Variants in EXD3 observed in about 807,000 individuals in gnomAD.
EXD3 encodes the protein exonuclease 3'-5' domain containing 3.
In EXD3, 92 loss-of-function variants were observed where a neutral mutation model predicts 98.0. The observed-to-expected ratio is 0.94, with a 90% CI of 0.79 to 1.12. The LOEUF (loss-of-function observed/expected upper bound fraction) is 1.12. Ranked by LOEUF, EXD3 falls within the 50% of genes most tolerant of loss-of-function variation. The pLI is 0.00. For synonymous variants in EXD3, 569 were observed against 526.0 expected, an observed-to-expected ratio of 1.08 and a Z score of -1.12; for missense variants, 1,222 against 1,191.6, an observed-to-expected ratio of 1.03 and a Z score of -0.38.
intron 1 of EXD3, among the ~76,000 whole-genome samples, chr9:137,420,170 A>C (rs186870128): frequency 6.7e-6 from 1 of 148,652 alleles, no homozygotes. Flanking sequence ...AAAAAAAAAC[A>C]AAAAAAACCC....
At chr9:137,389,506 G>A (rs537845445) in intron 2 of EXD3, among the ~76,000 whole-genome samples, 4 of 152,110 alleles carry the variant, frequency 2.6e-5, no homozygotes, top group African/African-American at 4.8e-5. Context: ...CTGGGAAAGC[G>A]GGATGAGGGG....
chr9:137,401,721 G>A (rs1258295139), intron 1 of EXD3, among the ~76,000 whole-genome samples: 1 of 152,180 alleles, frequency 6.6e-6, no homozygotes, highest in Admixed American at 6.5e-5. Context: ...TCTGGGACAT[G>A]GGGCACCAAG....
intron 21 of EXD3, 40 bp from the exon 22 acceptor site, chr9:137,307,303 C>A: frequency 6.9e-7 from 1 of 1,450,294 alleles, no homozygotes; most frequent in Non-Finnish European, 9.0e-7. Flanking sequence ...CCTCAGCCTT[C>A]GGGCACGGCC....
rs549770849 is a variant in EXD3 at position 137,375,961 on chromosome 9, T to C, written c.121-2362A>G. 4.9e-4 allele frequency among the ~76,000 whole-genome samples: 75 copies of C among 152,260 alleles called. No individual in the cohort carries two copies. In the South Asian group the frequency reaches 0.015, roughly 31 times the overall value. ...ATCGATTTGGGAATGTGTAAGCAAC[T>C]ACCCCCATTTTACTAAACGATTGTT... On this transcript the variant is annotated intron_variant, in intron 3 of 21. Coordinates refer to ENST00000340951, the MANE Select transcript of EXD3 (RefSeq NM_017820.5).
chr9:137,410,683 C>T (rs570501229), intron 1 of EXD3, among the ~76,000 whole-genome samples: 2 of 152,142 alleles, frequency 1.3e-5, no homozygotes, highest in African/African-American at 2.4e-5. Context: ...CCTACCCACA[C>T]GGGGCAGAAC....
intron 1 of EXD3, among the ~76,000 whole-genome samples, chr9:137,412,846 C>T (rs1313049943): frequency 4.6e-5 from 7 of 151,968 alleles, no homozygotes; most frequent in Non-Finnish European, 8.8e-5. Context: ...GGGGCGATCA[C>T]GGCTCACGGC....
At chr9:137,353,631 C>G in intron 10 of EXD3, 1 of 986,132 alleles carries the variant, frequency 1.0e-6, no homozygotes, top group Non-Finnish European at 1.2e-6. Context: ...AGCCCAGGAG[C>G]AGAGGCACCT....
chr9:137,328,651 A>G (rs376057468), intron 17 of EXD3, among the ~76,000 whole-genome samples: 18,859 of 49,838 alleles, frequency 0.38, 3,510 homozygotes, highest in East Asian at 0.55. Flanking sequence ...GCTACACGGG[A>G]CTACACGGGA....
At chr9:137,414,041 C>T (rs61530040) in intron 1 of EXD3, among the ~76,000 whole-genome samples, 122 of 151,010 alleles carry the variant, frequency 8.1e-4, no homozygotes, top group African/African-American at 2.8e-3. Context: ...CTCAGCCTCC[C>T]GAGTAGCTGG....
intron 19 of EXD3, among the ~76,000 whole-genome samples, chr9:137,314,168 A>C (rs1218532733): frequency 1.3e-5 from 2 of 152,132 alleles, no homozygotes; most frequent in Admixed American, 1.3e-4. Flanking sequence ...AGGAAGAAGC[A>C]ATCAGGCACC....
chr9:137,398,914 AC>A (rs1185148993), intron 1 of EXD3, among the ~76,000 whole-genome samples: 1 of 126,554 alleles, frequency 7.9e-6, no homozygotes, highest in Non-Finnish European at 1.7e-5. Context: ...CACACAGGCA[AC>A]CGCGTCTCCG....
intron 17 of EXD3, among the ~76,000 whole-genome samples, chr9:137,342,479 CATTTG>C: frequency 6.6e-6 from 1 of 152,140 alleles, no homozygotes; most frequent in Non-Finnish European, 1.5e-5. Flanking sequence ...GTTGTAATGA[CATTTG>C]TGAAGTGTTG....
intron 7 of EXD3, chr9:137,365,474 T>C: frequency 6.5e-6 from 1 of 154,882 alleles, no homozygotes; most frequent in Non-Finnish European, 1.4e-5. Context: ...CTCCCAGATG[T>C]CATCCCTCAT....
chr9:137,353,782 C>T, intron 10 of EXD3: 1 of 985,972 alleles, frequency 1.0e-6, no homozygotes, highest in Non-Finnish European at 1.2e-6. Flanking sequence ...ACCTGCCCAG[C>T]AGGCTGAGCT....
chr9:137,309,087 G>T (rs931859116), intron 20 of EXD3, among the ~76,000 whole-genome samples: 2 of 152,132 alleles, frequency 1.3e-5, no homozygotes, highest in Non-Finnish European at 2.9e-5. Context: ...TAATGGCGGC[G>T]GGGCGGGGGC....
chr9:137,364,364 G>A (rs961897235), intron 7 of EXD3, among the ~76,000 whole-genome samples: 1 of 152,122 alleles, frequency 6.6e-6, no homozygotes, highest in African/African-American at 2.4e-5. Context: ...GCTCATGCCT[G>A]TAATCCCAGC....
intron 1 of EXD3, among the ~76,000 whole-genome samples, chr9:137,417,984 A>T (rs1159775350): frequency 6.6e-6 from 1 of 152,152 alleles, no homozygotes; most frequent in African/African-American, 2.4e-5. Flanking sequence ...ACGCACGGTC[A>T]CTGGGAGGCC....
rs754664319 is a variant in EXD3, at chr9:137,383,363, G to A, written c.70C>T (p.Leu24=). 3.8e-5 allele frequency: 59 copies of A among 1,550,788 alleles called. No homozygotes were observed. The highest frequency in any genetic ancestry group is 2.8e-5 in the Non-Finnish European group (32 of 1,146,984). ...ERHRMGRDPL[L]LLQALQTLWS... is the part of the protein sequence containing the mutation. ...AGGGTCTGCAGGGCCTGCAGGAGCA[G>A]GAGGGGGTCCCGGCCTGTGGAGATA... is the stretch of plus-strand genomic sequence containing the variant. The change falls in exon 3 of 22, where the codon CTG becomes TTG. Residue 24 remains leucine, a synonymous_variant. Transcript: ENST00000340951.
intron 1 of EXD3, among the ~76,000 whole-genome samples, chr9:137,397,563 C>T (rs1428143381): frequency 6.6e-6 from 1 of 152,018 alleles, no homozygotes; most frequent in Non-Finnish European, 1.5e-5. Flanking sequence ...TGGAAAAACA[C>T]AAAAAACAGA....
Sources: allele counts gnomAD v4.1 joint callset (sites outside exome capture counted in the v4.1 genomes callset), GRCh38; gene constraint gnomAD v4.1.1; transcripts MANE v1.5; gene names NCBI Gene and HGNC (gene_info 2026-07-23, HGNC 2026-07-21).